AOAH: variants seen among roughly 807,000 people sequenced by gnomAD.
AOAH encodes acyloxyacyl hydrolase (neutrophil).
In AOAH, 64 loss-of-function variants were observed where a neutral mutation model predicts 92.2. That is an observed-to-expected ratio of 0.69 (90% CI 0.57 to 0.86). The LOEUF is 0.86. AOAH is among the 40% of genes least tolerant of loss of function. The pLI, the probability that AOAH is intolerant of heterozygous loss-of-function variation, is 0.00. For synonymous variants in AOAH, 263 were observed against 254.5 expected (o/e 1.03, Z -0.32); for missense variants, 656 against 694.6 (o/e 0.94, Z 0.62).
Position 36,594,320 on chromosome 7 carries a change from G to T in AOAH, c.938+19C>A. ...ACACAGAGGTATTGAAATGTCTGAG[G>T]GTGCACAAAGACACTTACCCAACAG... On this transcript the variant is annotated intron_variant, in intron 12 of 20. Coordinates refer to ENST00000617537, the MANE Select transcript of AOAH (RefSeq NM_001637.4). The T allele has an allele frequency of 1.3e-6, 2 of 1,583,912 alleles. No individual in the cohort carries two copies. Among genetic ancestry groups the T allele is most frequent in the Non-Finnish European group, 1.7e-6 (2 of 1,152,586 alleles).
intron 4 of AOAH, among the ~76,000 whole-genome samples, chr7:36,657,249 ATC>A (rs1794947910): frequency 6.6e-6 from 1 of 152,184 alleles, no homozygotes; most frequent in African/African-American, 2.4e-5. Flanking sequence ...AGCTCAACCA[ATC>A]TCTGAGTAGA....
chr7:36,709,462 A>T (rs1355837670), intron 1 of AOAH, among the ~76,000 whole-genome samples: 2 of 152,200 alleles, frequency 1.3e-5, no homozygotes, highest in Non-Finnish European at 2.9e-5. Context: ...ATTGTATGCC[A>T]CTGATGATTT....
In AOAH at chr7:36,662,649, C is replaced by T. The variant is rs552963442; in HGVS notation, c.291-3384G>A. On this transcript the variant is annotated intron_variant, in intron 3 of 20. Coordinates refer to ENST00000617537, the MANE Select transcript of AOAH (RefSeq NM_001637.4). ...TTTGTTTTTAACCTAAGGCTAGTATCCCATCTGTGGCAATCCAGGACAAGC... is the reference window on the plus strand; with the variant it reads ...TTTGTTTTTAACCTAAGGCTAGTATTCCATCTGTGGCAATCCAGGACAAGC... Among the ~76,000 whole-genome samples the T allele has an allele frequency of 1.6e-3, 247 of 152,244 alleles. 1 individual carries two copies. The highest frequency in any genetic ancestry group is 3.0e-3 in the Non-Finnish European group (201 of 68,028).
chr7:36,526,655 G>T (rs1784409110), intron 19 of AOAH, among the ~76,000 whole-genome samples: 1 of 152,214 alleles, frequency 6.6e-6, no homozygotes, highest in East Asian at 1.9e-4. Flanking sequence ...TGGATGATCT[G>T]TGGAGATTTG....
At chr7:36,556,940 T>G (rs1435330613) in intron 13 of AOAH, among the ~76,000 whole-genome samples, 6 of 151,756 alleles carry the variant, frequency 4.0e-5, no homozygotes, top group African/African-American at 1.5e-4. Context: ...CTTTATCCAA[T>G]TTGCCAGTCT....
intron 13 of AOAH, among the ~76,000 whole-genome samples, chr7:36,552,933 A>G (rs891435482): frequency 2.0e-5 from 3 of 150,620 alleles, no homozygotes; most frequent in African/African-American, 7.3e-5. Flanking sequence ...ATAGAATTCC[A>G]TGGTGTATAT....
At position 36,632,317 on chromosome 7, in the gene AOAH, G is replaced by A. The variant is rs186219605; in HGVS notation, c.451-211C>T. On this transcript the variant is annotated intron_variant, in intron 5 of 20. Coordinates refer to ENST00000617537, the MANE Select transcript of AOAH (RefSeq NM_001637.4). ...CTTTGCCCATCGGGCTCCTCAGCCC[G>A]AAGCCTTCCCTCCTTCTCTTCCAGC... Among the ~76,000 whole-genome samples the A allele has an allele frequency of 5.1e-4, 78 of 152,186 alleles. 1 individual carries two copies. The highest frequency in any genetic ancestry group is 1.7e-3 in the African/African-American group (72 of 41,532).
At chr7:36,669,740 C>T (rs1188851797) in intron 3 of AOAH, among the ~76,000 whole-genome samples, 1 of 152,144 alleles carries the variant, frequency 6.6e-6, no homozygotes, top group Non-Finnish European at 1.5e-5. Context: ...CTAAGGTATA[C>T]CATAATTGTT....
intron 15 of AOAH, among the ~76,000 whole-genome samples, chr7:36,547,261 C>T (rs1365107355): frequency 6.6e-6 from 1 of 152,188 alleles, no homozygotes; most frequent in Non-Finnish European, 1.5e-5. Flanking sequence ...ACTTGGGGTT[C>T]TGGGGACAGC....
intron 1 of AOAH, among the ~76,000 whole-genome samples, chr7:36,687,185 C>T (rs955995090): frequency 8.5e-5 from 13 of 152,136 alleles, no homozygotes; most frequent in Non-Finnish European, 1.9e-4. Flanking sequence ...ACTTAGTAAT[C>T]TTGAACTCAC....
intron 4 of AOAH, among the ~76,000 whole-genome samples, chr7:36,651,459 G>A (rs1794574800): frequency 6.6e-6 from 1 of 152,136 alleles, no homozygotes; most frequent in South Asian, 2.1e-4. Context: ...CTGTGGGGAT[G>A]GTACATGGTA....
intron 16 of AOAH, among the ~76,000 whole-genome samples, chr7:36,534,946 CTGTG>C (rs1414087727): frequency 3.1e-4 from 10 of 31,872 alleles, no homozygotes; most frequent in East Asian, 2.8e-3. Flanking sequence ...GTTTCTGTGT[CTGTG>C]TGTGTATCTG....
Position 36,533,287 on chromosome 7 carries a change from G to A in AOAH, c.1307-943C>T, listed in dbSNP as rs547728057. ...ATCCATTAACACTCCTCACACTCTT[G>A]AAAACATAAAGGAAGATAATAGGAC... On this transcript the variant is annotated intron_variant, in intron 16 of 20. Coordinates refer to ENST00000617537, the MANE Select transcript of AOAH (RefSeq NM_001637.4). Among the ~76,000 whole-genome samples, 3 of 152,078 alleles carry A rather than the reference G, an allele frequency of 2.0e-5. No individual in the cohort carries two copies. In the East Asian group the frequency reaches 5.8e-4, roughly 29 times the overall value.
intron 1 of AOAH, among the ~76,000 whole-genome samples, chr7:36,692,466 T>A (rs1194587729): frequency 6.6e-6 from 1 of 151,556 alleles, no homozygotes; most frequent in Non-Finnish European, 1.5e-5. Flanking sequence ...TTTTTTTTTA[T>A]GAGAAAATGC....
rs1002371888 is a variant in AOAH at position 36,614,338 on chromosome 7, G to A, written c.846+2042C>T. Among the ~76,000 whole-genome samples the A allele has an allele frequency of 2.0e-5, 3 of 152,340 alleles. No individual in the cohort carries two copies. The highest frequency in any genetic ancestry group is 3.4e-3 in the Middle Eastern group (1 of 294). On this transcript the variant is annotated intron_variant, in intron 11 of 20. Coordinates refer to ENST00000617537, the MANE Select transcript of AOAH (RefSeq NM_001637.4). The surrounding 1 kb of genome is among the most constrained non-coding windows in gnomAD (Gnocchi z 4.2). ...ATCAGACCCGGGCAGGGCTTTATGT[G>A]TGTGCAACCAGTGGGTCCCATGAGG...
chr7:36,660,219 G>A (rs1436071733), intron 3 of AOAH, among the ~76,000 whole-genome samples: 1 of 152,172 alleles, frequency 6.6e-6, no homozygotes, highest in African/African-American at 2.4e-5. Flanking sequence ...TATTGCTCAC[G>A]CAAAGCCTGT....
At chr7:36,659,287 CA>C in intron 3 of AOAH, 22 bp from the exon 4 acceptor site, 1 of 1,583,474 alleles carries the variant, frequency 6.3e-7, no homozygotes, top group Non-Finnish European at 8.7e-7. Context: ...CGGTGCAAAA[CA>C]AAGGCTATTC....
chr7:36,658,176 C>T (rs968167631), intron 4 of AOAH, among the ~76,000 whole-genome samples: 1 of 152,106 alleles, frequency 6.6e-6, no homozygotes, highest in Non-Finnish European at 1.5e-5. Flanking sequence ...GAAATATACA[C>T]GTTCCTCAGG....
intron 12 of AOAH, among the ~76,000 whole-genome samples, chr7:36,589,260 G>C (rs1789572468): frequency 6.6e-6 from 1 of 152,066 alleles, no homozygotes; most frequent in South Asian, 2.1e-4. Flanking sequence ...GGGTTTGCTG[G>C]AGAGATATAG....
Sources: gnomAD v4.1 joint callset for allele counts (sites outside exome capture counted in the v4.1 genomes callset) on GRCh38, gnomAD v4.1.1 for gene constraint, Gnocchi (gnomAD v3.1) non-coding constraint, MANE v1.5 for transcripts, NCBI Gene and HGNC (gene_info 2026-07-23, HGNC 2026-07-21) for gene names.